PLPPR1: variants seen among roughly 807,000 people sequenced by gnomAD.
The protein encoded by PLPPR1 is phospholipid phosphatase related 1.
Under a neutral mutation model 33.1 loss-of-function variants are expected in PLPPR1, and 10 were observed. The ratio of observed to expected loss-of-function variants is 0.30; its 90% CI spans 0.19 to 0.51. The LOEUF (loss-of-function observed/expected upper bound fraction) is 0.51, where lower values mean the gene tolerates loss of function less well. PLPPR1 is among the 20% of genes least tolerant of loss of function. The pLI is 0.97. For missense variants in PLPPR1, 304 were observed against 408.1 expected, an observed-to-expected ratio of 0.74 and a Z score of 2.20; for synonymous variants, 151 against 151.0, an observed-to-expected ratio of 1.00 and a Z score of 0.00.
At chr9:101,126,784 A>G (rs1238558344) in intron 1 of PLPPR1, among the ~76,000 whole-genome samples, 4 of 152,030 alleles carry the variant, frequency 2.6e-5, no homozygotes, top group African/African-American at 9.7e-5. Context: ...TCTGTTCCTC[A>G]CATTCAGAAT....
intron 1 of PLPPR1, among the ~76,000 whole-genome samples, chr9:101,159,004 A>G (rs903963839): frequency 6.6e-6 from 1 of 152,212 alleles, no homozygotes; most frequent in Non-Finnish European, 1.5e-5. Flanking sequence ...CTAAATTCAT[A>G]AACTTTCAAT....
At chr9:101,127,160 CCCG>C (rs879287394) in intron 1 of PLPPR1, among the ~76,000 whole-genome samples, 1,949 of 152,350 alleles carry the variant, frequency 0.013, 12 homozygotes, top group Non-Finnish European at 0.02. Flanking sequence ...ACTCAACTTT[CCCG>C]CTGAGCTTCT....
chr9:101,244,292 A>G (rs994178723), intron 2 of PLPPR1, among the ~76,000 whole-genome samples: 1 of 152,026 alleles, frequency 6.6e-6, no homozygotes, highest in Admixed American at 6.6e-5. Flanking sequence ...AAAAAAAATC[A>G]AAGCATGGCT....
At chr9:101,240,381 T>C (rs1428546995) in intron 2 of PLPPR1, among the ~76,000 whole-genome samples, 2 of 152,020 alleles carry the variant, frequency 1.3e-5, no homozygotes, top group African/African-American at 4.8e-5. Context: ...CTATTCAGGG[T>C]CTTTTGTGGT....
intron 1 of PLPPR1, among the ~76,000 whole-genome samples, chr9:101,044,107 C>T (rs1830116835): frequency 6.6e-6 from 1 of 152,124 alleles, no homozygotes; most frequent in Non-Finnish European, 1.5e-5. Flanking sequence ...TCTTCACAAT[C>T]CATACATCCG....
intron 7 of PLPPR1, among the ~76,000 whole-genome samples, chr9:101,317,702 CAG>C (rs1415107505): frequency 2.0e-5 from 3 of 152,320 alleles, no homozygotes; most frequent in Admixed American, 6.5e-5. Flanking sequence ...CATGAATCCT[CAG>C]AGAGTTCTTA....
chr9:101,182,879 G>A (rs1826139116), intron 1 of PLPPR1, among the ~76,000 whole-genome samples: 1 of 151,514 alleles, frequency 6.6e-6, no homozygotes, highest in African/African-American at 2.4e-5. Context: ...TGGCTAATAA[G>A]CACATGGAAA....
intron 1 of PLPPR1, among the ~76,000 whole-genome samples, chr9:101,038,032 A>C (rs1024119729): frequency 6.6e-6 from 1 of 151,770 alleles, no homozygotes; most frequent in African/African-American, 2.4e-5. Flanking sequence ...AGTAAATATC[A>C]CTCATATTTC....
Position 101,123,403 on chromosome 9 carries a change from A to C in PLPPR1, c.-45-62047A>C, listed in dbSNP as rs555920791. Among the ~76,000 whole-genome samples, 17 of 152,282 alleles carry C rather than the reference A, an allele frequency of 1.1e-4. No individual in the cohort carries two copies. In the East Asian group the frequency reaches 2.7e-3, roughly 24 times the overall value. ...TGTGTCCAGTGATAGATGGGTGCTC[A>C]CAGGATAGTAGGGAGCCCATGGAGA... On this transcript the variant is annotated intron_variant, in intron 1 of 7. Transcript: ENST00000374874.
intron 2 of PLPPR1, among the ~76,000 whole-genome samples, chr9:101,217,515 T>C (rs1826825929): frequency 6.6e-6 from 1 of 152,194 alleles, no homozygotes; most frequent in Non-Finnish European, 1.5e-5. Flanking sequence ...CTCCACATTC[T>C]CAATTTTTAC....
At chr9:101,102,320 A>G (rs62575681) in intron 1 of PLPPR1, among the ~76,000 whole-genome samples, 6,155 of 93,324 alleles carry the variant, frequency 0.066, 297 homozygotes, top group Middle Eastern at 0.17. Context: ...CACAGTCCCC[A>G]GAGTGTGATA....
intron 4 of PLPPR1, among the ~76,000 whole-genome samples, chr9:101,305,771 C>G (rs79339084): frequency 0.021 from 3,165 of 152,178 alleles, 121 homozygotes; most frequent in African/African-American, 0.072. Flanking sequence ...GTCACTGTTT[C>G]TACTACATTC....
At chr9:101,206,141 G>C (rs1366829475) in intron 2 of PLPPR1, among the ~76,000 whole-genome samples, 1 of 152,184 alleles carries the variant, frequency 6.6e-6, no homozygotes, top group East Asian at 1.9e-4. Context: ...AAAATGATGG[G>C]ATTGAAAAAG....
chr9:101,033,762 C>T (rs1829976019), intron 1 of PLPPR1, among the ~76,000 whole-genome samples: 2 of 152,144 alleles, frequency 1.3e-5, no homozygotes, highest in South Asian at 4.1e-4. Context: ...CACTTTACAG[C>T]TGAAGCAGCT....
At chr9:101,058,332 G>T (rs796430584) in intron 1 of PLPPR1, among the ~76,000 whole-genome samples, 4 of 151,322 alleles carry the variant, frequency 2.6e-5, no homozygotes, top group African/African-American at 7.3e-5. Context: ...TACTTCATGG[G>T]GCCCACCAAA....
chr9:101,264,919 T>G (rs765146617), intron 2 of PLPPR1, among the ~76,000 whole-genome samples: 5 of 152,126 alleles, frequency 3.3e-5, no homozygotes, highest in Non-Finnish European at 5.9e-5. Flanking sequence ...ATGTATACTC[T>G]CATTCCAAAC....
intron 1 of PLPPR1, among the ~76,000 whole-genome samples, chr9:101,110,391 C>T (rs150640031): frequency 1.3e-5 from 2 of 152,210 alleles, no homozygotes; most frequent in East Asian, 3.9e-4. Context: ...ATTTAGATGG[C>T]AATATGGAGA....
chr9:101,305,150 C>T (rs936859454), intron 4 of PLPPR1, among the ~76,000 whole-genome samples: 8 of 152,188 alleles, frequency 5.3e-5, no homozygotes, highest in East Asian at 1.9e-4. Context: ...TTTCTCCTGC[C>T]GTCTCTGTAG....
intron 1 of PLPPR1, among the ~76,000 whole-genome samples, chr9:101,173,901 C>CAA (rs1825982173): frequency 6.6e-6 from 1 of 152,076 alleles, no homozygotes; most frequent in Non-Finnish European, 1.5e-5. Flanking sequence ...CAGTAGAGCC[C>CAA]CTCACAACAA....
Sources: gnomAD v4.1 joint callset for allele counts (sites outside exome capture counted in the v4.1 genomes callset) on GRCh38, gnomAD v4.1.1 for gene constraint, MANE v1.5 for transcripts, NCBI Gene and HGNC (gene_info 2026-07-23, HGNC 2026-07-21) for gene names.